Variants in MPHOSPH9 observed in about 807,000 individuals in gnomAD.
MPHOSPH9 encodes M-phase phosphoprotein 9.
MPHOSPH9 carries 88 observed loss-of-function variants against 145.5 expected under a neutral mutation model. The ratio of observed to expected loss-of-function variants is 0.60; its 90% CI spans 0.51 to 0.72. MPHOSPH9 has a LOEUF of 0.72. MPHOSPH9 is among the 30% of genes least tolerant of loss of function. The probability of loss-of-function intolerance (pLI) is 0.00; values close to 1 mark genes in which losing one functional copy is unlikely to be tolerated. For synonymous variants in MPHOSPH9, 435 were observed against 486.2 expected (o/e 0.89, Z 1.39); for missense variants, 1,238 against 1,386.6 (o/e 0.89, Z 1.70).
At chr12:123,239,380 A>C (rs992460159) in intron 1 of MPHOSPH9, among the ~76,000 whole-genome samples, 1 of 150,516 alleles carries the variant, frequency 6.6e-6, no homozygotes, top group Non-Finnish European at 1.5e-5. Flanking sequence ...TTAGAATTTC[A>C]CATGTGGGTA....
At chr12:123,193,280 A>G (rs1405987806) in intron 13 of MPHOSPH9, among the ~76,000 whole-genome samples, 1 of 151,806 alleles carries the variant, frequency 6.6e-6, no homozygotes, top group Non-Finnish European at 1.5e-5. Context: ...AGAGTGCAAT[A>G]TAAGAATATT....
chr12:123,230,539 G>A lies in MPHOSPH9; in HGVS notation c.-158-17C>T. ...CAAGAGAGTCTGAAAATGAATGGGGGAAAAAAATACTACTATAAAAAGCCA... is the reference window on the plus strand; with the variant it reads ...CAAGAGAGTCTGAAAATGAATGGGGAAAAAAAATACTACTATAAAAAGCCA... On this transcript the variant is annotated splice_polypyrimidine_tract_variant and intron_variant, in intron 1 of 23. Coordinates refer to ENST00000606320, the MANE Select transcript of MPHOSPH9 (RefSeq NM_022782.4). 2.3e-6 allele frequency: 1 copy of A among 444,426 alleles called. No individual in the cohort carries two copies. The highest frequency in any genetic ancestry group is 4.0e-6 in the Non-Finnish European group (1 of 250,572). 27.5% of individuals were successfully genotyped at this position (444,426 alleles called of 1,614,324 possible).
chr12:123,161,010 A>G (rs1203589435), intron 22 of MPHOSPH9, 126 bp downstream of exon 22: 5 of 1,362,174 alleles, frequency 3.7e-6, no homozygotes, highest in African/African-American at 1.5e-5. Context: ...ATCCGTTGCT[A>G]GCACAGCTCT....
intron 13 of MPHOSPH9, among the ~76,000 whole-genome samples, chr12:123,189,720 G>A (rs2045592434): frequency 1.3e-5 from 2 of 151,932 alleles, no homozygotes; most frequent in Admixed American, 1.3e-4. Flanking sequence ...GGATCACGAG[G>A]TCAGGAGATC....
intron 16 of MPHOSPH9, among the ~76,000 whole-genome samples, chr12:123,176,238 G>A (rs1310324092): frequency 6.6e-6 from 1 of 152,020 alleles, no homozygotes; most frequent in Non-Finnish European, 1.5e-5. Context: ...TTATAGCCAA[G>A]CTAATTCTGA....
chr12:123,152,690 G>T (rs1273679314), downstream of MPHOSPH9: 1 of 419,254 alleles, frequency 2.4e-6, no homozygotes. Flanking sequence ...GAATACTGGG[G>T]TAGTAGTTTA....
intron 2 of MPHOSPH9, among the ~76,000 whole-genome samples, chr12:123,229,826 T>TTTC (rs1305374722): frequency 1.3e-5 from 2 of 150,482 alleles, no homozygotes; most frequent in East Asian, 3.9e-4. Context: ...CGAACATTTT[T>TTTC]TTTTTTTTTT....
At chr12:123,175,594 A>T (rs2044816111) in intron 16 of MPHOSPH9, among the ~76,000 whole-genome samples, 1 of 151,940 alleles carries the variant, frequency 6.6e-6, no homozygotes, top group Non-Finnish European at 1.5e-5. Context: ...GCTCTTTCCT[A>T]CCTGAGGACT....
Position 123,164,420 on chromosome 12 carries a change from T to C in MPHOSPH9, c.2768-330A>G, listed in dbSNP as rs116645480. Among the ~76,000 whole-genome samples the C allele has an allele frequency of 9.3e-3, 1,409 of 152,252 alleles. 20 individuals carry two copies. Among genetic ancestry groups the C allele is most frequent in the African/African-American group, 0.032 (1,322 of 41,544 alleles). On this transcript the variant is annotated intron_variant, in intron 18 of 23. Transcript: ENST00000606320. Reference sequence around the variant, plus strand: ...TACTAATTTATTTACTAAGAGACACTGCTTGGGAGATGTAACCGCAAAGAC... The same window carrying C: ...TACTAATTTATTTACTAAGAGACACCGCTTGGGAGATGTAACCGCAAAGAC...
chr12:123,242,955 A>T (rs2047965450), intron 1 of MPHOSPH9, among the ~76,000 whole-genome samples: 1 of 152,180 alleles, frequency 6.6e-6, no homozygotes, highest in Non-Finnish European at 1.5e-5. Flanking sequence ...TACACAAATG[A>T]ATTTTGTTTT....
chr12:123,225,443 C>CAA (rs56225104), intron 3 of MPHOSPH9, among the ~76,000 whole-genome samples: 5 of 102,176 alleles, frequency 4.9e-5, no homozygotes, highest in African/African-American at 1.8e-4. Context: ...GACCCTATTT[C>CAA]AAAAAAAAAA....
At chr12:123,221,240 G>A (rs2047188394) in intron 5 of MPHOSPH9, 132 bp downstream of exon 5, 2 of 750,542 alleles carry the variant, frequency 2.7e-6, no homozygotes, top group East Asian at 5.5e-5. Flanking sequence ...AGTGTGCTTT[G>A]TTTATTTCAA....
chr12:123,230,389 CTT>C lies in MPHOSPH9; in HGVS notation c.-27_-26del. ...TAGTGTACAGAAATTGTTATATTCT[CTT>C]ATTGGAAAATAAAGGTTCTTGGGCT... On this transcript the variant is annotated 5_prime_UTR_variant, in exon 2 of 24. It adds an upstream start codon to the 5' untranslated region. Transcript: ENST00000606320. The C allele has an allele frequency of 7.2e-7, 1 of 1,388,444 alleles. No individual in the cohort carries two copies. The highest frequency in any genetic ancestry group is 9.7e-7 in the Non-Finnish European group (1 of 1,028,444). 86.0% of individuals were successfully genotyped at this position (1,388,444 alleles called of 1,614,324 possible).
intron 15 of MPHOSPH9, among the ~76,000 whole-genome samples, chr12:123,179,161 C>T (rs7314173): frequency 0.048 from 7,310 of 152,230 alleles, 567 homozygotes; most frequent in African/African-American, 0.17. Flanking sequence ...GGTGCAGTAG[C>T]GCATGCCTGT....
At position 123,162,915 on chromosome 12, in the gene MPHOSPH9, T is replaced by C. The variant is rs1025650933; in HGVS notation, c.3029+99A>G. On this transcript the variant is annotated intron_variant, in intron 20 of 23. Coordinates refer to ENST00000606320, the MANE Select transcript of MPHOSPH9 (RefSeq NM_022782.4). ...TAAATGAAATTCACAGAGTTCCCAC[T>C]GGTAACTGAAAAATTAGTGATAGCT... 1.3e-5 allele frequency: 16 copies of C among 1,199,848 alleles called. No individual in the cohort carries two copies. The African/African-American group carries it at 2.4e-4, about 18-fold the overall frequency. The allele number at this position is 1,199,848 out of a possible 1,614,324, so 74.3% of individuals were successfully genotyped here.
intron 12 of MPHOSPH9, among the ~76,000 whole-genome samples, chr12:123,198,040 C>A (rs1226535016): frequency 6.6e-6 from 1 of 150,918 alleles, no homozygotes; most frequent in Admixed American, 6.6e-5. Context: ...GCCAAGACCG[C>A]GCCACTGCAC....
rs2044036646 is a variant in MPHOSPH9 at position 123,159,991 on chromosome 12, C to CA, written c.3450+789_3450+790insT. 6.6e-6 allele frequency: 1 copy of CA among 152,112 alleles called. No individual in the cohort carries two copies. Among genetic ancestry groups the CA allele is most frequent in the Admixed American group, 6.6e-5 (1 of 15,246 alleles). 9.4% of individuals were successfully genotyped at this position (152,112 alleles called of 1,614,324 possible). A position where few individuals can be genotyped will look rare whatever the true frequency, so the allele number is the denominator to read the frequency against. On this transcript the variant is annotated intron_variant, in intron 23 of 23. Transcript: ENST00000606320. This position sits in a 1 kb window ranked among gnomAD's most constrained non-coding sequence, Gnocchi z 4.3. Reference sequence around the variant, plus strand: ...GAGCAATTCTCCTGCCTCAGCCTCCCGAGTAGCTGGAATTACAGGCGCCCA... The same window carrying CA: ...GAGCAATTCTCCTGCCTCAGCCTCCCAGAGTAGCTGGAATTACAGGCGCCCA...
chr12:123,192,064 G>T (rs953971065), intron 13 of MPHOSPH9, among the ~76,000 whole-genome samples: 1 of 152,086 alleles, frequency 6.6e-6, no homozygotes, highest in African/African-American at 2.4e-5. Flanking sequence ...AATGCAGAAG[G>T]AATACAGAAT....
chr12:123,160,957 A>G (rs1277824179), intron 22 of MPHOSPH9, 108 bp from the exon 23 acceptor site: 3 of 1,370,142 alleles, frequency 2.2e-6, no homozygotes, highest in Non-Finnish European at 3.0e-6. Flanking sequence ...TTTCATCTCA[A>G]CTTAATTTCC....
Sources: allele counts gnomAD v4.1 joint callset (sites outside exome capture counted in the v4.1 genomes callset), GRCh38; gene constraint gnomAD v4.1.1; non-coding constraint Gnocchi (gnomAD v3.1); transcripts MANE v1.5; gene names NCBI Gene and HGNC (gene_info 2026-07-23, HGNC 2026-07-21).